The following UQCC1 variants were observed in gnomAD, a reference collection of about 807,000 sequenced individuals.
UQCC1 encodes the protein ubiquinol-cytochrome c reductase complex assembly factor 1, also known as bFGF-repressed Zic-binding protein.
A neutral mutation model predicts 48.0 loss-of-function variants in UQCC1; 38 were observed. That is an observed-to-expected ratio of 0.79 (90% CI 0.61 to 1.04). The LOEUF is 1.04. Ranked by LOEUF, UQCC1 falls within the 50% of genes least tolerant of loss-of-function variation. The pLI, the probability that UQCC1 is intolerant of heterozygous loss-of-function variation, is 0.00. For missense variants in UQCC1, 368 were observed against 381.8 expected (o/e 0.96, Z 0.30); for synonymous variants, 111 against 129.2 (o/e 0.86, Z 0.95).
intron 6 of UQCC1, among the ~76,000 whole-genome samples, chr20:35,356,663 G>C (rs1440721753): frequency 6.6e-6 from 1 of 152,158 alleles, no homozygotes; most frequent in Non-Finnish European, 1.5e-5. Context: ...TACAAACCTA[G>C]TAAGTGCTAA....
At chr20:35,347,052 G>GGCA in intron 7 of UQCC1, 112 bp downstream of exon 7, 5 of 1,610,282 alleles carry the variant, frequency 3.1e-6, no homozygotes, top group Non-Finnish European at 4.2e-6. Context: ...CTTGATATTA[G>GGCA]GCAGCATTTC....
intron 7 of UQCC1, among the ~76,000 whole-genome samples, chr20:35,323,371 T>A (rs1400719774): frequency 6.6e-6 from 1 of 152,060 alleles, no homozygotes; most frequent in African/African-American, 2.4e-5. Context: ...AATAAAAAAA[T>A]AACAGGATGA....
At chr20:35,320,089 A>G (rs1319279083) in intron 7 of UQCC1, among the ~76,000 whole-genome samples, 1 of 152,164 alleles carries the variant, frequency 6.6e-6, no homozygotes, top group East Asian at 1.9e-4. Context: ...TTTCTTAGTC[A>G]TACTGCTGCC....
In UQCC1 at chr20:35,303,962, A is replaced by C. The variant is rs746372355; in HGVS notation, c.873T>G (p.Ser291=). ...AAAGTCCCTCGTCGTTGTAAGTCGG[A>C]GAATGGGGCTTCAGGATGCTCTGAG... ...KNPQSILKPH[S]PTYNDEGL The change falls in exon 10 of 10, where the codon TCT becomes TCG. Residue 291 remains serine, a synonymous_variant. Transcript: ENST00000374385. 2.5e-6 allele frequency: 4 copies of C among 1,614,166 alleles called. No individual in the cohort carries two copies. The highest frequency in any genetic ancestry group is 1.1e-5 in the South Asian group (1 of 91,084).
intron 5 of UQCC1, among the ~76,000 whole-genome samples, chr20:35,367,018 T>C (rs1318173151): frequency 4.2e-5 from 6 of 141,840 alleles, no homozygotes; most frequent in African/African-American, 1.5e-4. Flanking sequence ...TACTTGAACC[T>C]GGGAGGCGGA....
At chr20:35,375,564 A>C (rs2061786364) in intron 4 of UQCC1, among the ~76,000 whole-genome samples, 1 of 152,182 alleles carries the variant, frequency 6.6e-6, no homozygotes, top group Admixed American at 6.6e-5. Flanking sequence ...AATGCTAGAA[A>C]AGCAAAGCAA....
chr20:35,384,217 A>G, intron 2 of UQCC1, 84 bp from the exon 3 acceptor site: 1 of 1,244,360 alleles, frequency 8.0e-7, no homozygotes. Flanking sequence ...TAAAGACTAT[A>G]GGATCTTTCC....
At chr20:35,392,270 C>A in intron 2 of UQCC1, 1 of 1,304,352 alleles carries the variant, frequency 7.7e-7, no homozygotes, top group East Asian at 5.5e-5. Context: ...AGTTTCCAAC[C>A]AGGGGACCTC....
rs898574587 is a variant in UQCC1, at chr20:35,349,510, C to A, written c.465-2238G>T. On this transcript the variant is annotated intron_variant, in intron 6 of 9. Transcript: ENST00000374385. Reference sequence around the variant, plus strand: ...TACAGTAATGCAAATATAATACCATCAATGTGTAAAGTGAGACTTTTGTTA... The same window carrying A: ...TACAGTAATGCAAATATAATACCATAAATGTGTAAAGTGAGACTTTTGTTA... Among the ~76,000 whole-genome samples, 3 of 152,182 alleles carry A rather than the reference C, an allele frequency of 2.0e-5. No homozygotes were observed. In the East Asian group the frequency reaches 5.8e-4, roughly 29 times the overall value.
chr20:35,349,874 G>A (rs2061471569), intron 6 of UQCC1, among the ~76,000 whole-genome samples: 1 of 152,108 alleles, frequency 6.6e-6, no homozygotes. Context: ...GTGCATGCCT[G>A]TAGTCCCAGC....
intron 9 of UQCC1, among the ~76,000 whole-genome samples, chr20:35,306,200 G>A (rs1243293023): frequency 3.9e-5 from 6 of 152,202 alleles, no homozygotes; most frequent in Non-Finnish European, 7.3e-5. Context: ...ACTGTGGAGA[G>A]CATCTAGCAG....
intron 1 of UQCC1, among the ~76,000 whole-genome samples, chr20:35,397,122 C>T (rs1452514166): frequency 6.6e-6 from 1 of 150,510 alleles, no homozygotes; most frequent in African/African-American, 2.5e-5. Context: ...CACTTGAACC[C>T]AGGAGGCAAA....
chr20:35,339,871 A>G (rs1696689560), intron 7 of UQCC1, among the ~76,000 whole-genome samples: 1 of 151,004 alleles, frequency 6.6e-6, no homozygotes, highest in Non-Finnish European at 1.5e-5. Flanking sequence ...TTTTTGCAAC[A>G]TTTGTTTATC....
chr20:35,401,658 C>CTTTTTTTT (rs142034321), intron 1 of UQCC1, among the ~76,000 whole-genome samples: 4 of 117,978 alleles, frequency 3.4e-5, no homozygotes, highest in African/African-American at 1.3e-4. Flanking sequence ...TGAAATCCAC[C>CTTTTTTTT]TTTTTTTTTT....
intron 5 of UQCC1, among the ~76,000 whole-genome samples, chr20:35,368,014 C>T (rs948991240): frequency 1.3e-5 from 2 of 152,124 alleles, no homozygotes; most frequent in Non-Finnish European, 2.9e-5. Context: ...ACTGAATGTG[C>T]CCGCCTTATT....
intron 7 of UQCC1, among the ~76,000 whole-genome samples, chr20:35,315,925 T>G (rs2061052847): frequency 6.6e-6 from 1 of 152,028 alleles, no homozygotes; most frequent in African/African-American, 2.4e-5. Context: ...GAAATGCAAT[T>G]CTGGTGAGAT....
intron 6 of UQCC1, among the ~76,000 whole-genome samples, chr20:35,365,516 G>C (rs2061656074): frequency 6.6e-6 from 1 of 151,944 alleles, no homozygotes; most frequent in Non-Finnish European, 1.5e-5. Context: ...AATCATATGG[G>C]CGTGGTGGTG....
chr20:35,351,892 T>C (rs1041541168), intron 6 of UQCC1, among the ~76,000 whole-genome samples: 4 of 152,216 alleles, frequency 2.6e-5, no homozygotes, highest in Admixed American at 6.5e-5. Context: ...ATTCACTCAA[T>C]GAACACAGGA....
At chr20:35,323,347 T>C (rs2061153561) in intron 7 of UQCC1, among the ~76,000 whole-genome samples, 1 of 152,218 alleles carries the variant, frequency 6.6e-6, no homozygotes, top group Non-Finnish European at 1.5e-5. Flanking sequence ...TGCACAGTAT[T>C]ATGTCTATAT....
Sources: gnomAD v4.1 joint callset for allele counts (sites outside exome capture counted in the v4.1 genomes callset) on GRCh38, gnomAD v4.1.1 for gene constraint, MANE v1.5 for transcripts, NCBI Gene and HGNC (gene_info 2026-07-23, HGNC 2026-07-21) for gene names.